RSPO4: variants seen among roughly 807,000 people sequenced by gnomAD.
RSPO4 encodes R-spondin 4.
RSPO4 carries 23 observed loss-of-function variants against 24.8 expected under a neutral mutation model. The ratio of observed to expected loss-of-function variants is 0.93; its 90% CI spans 0.67 to 1.31. The LOEUF (loss-of-function observed/expected upper bound fraction) is 1.31, where lower values mean the gene tolerates loss of function less well. RSPO4 is among the 40% of genes most tolerant of loss of function. The pLI is 0.00. For missense variants in RSPO4, 333 were observed against 316.5 expected (o/e 1.05, Z -0.39); for synonymous variants, 141 against 127.4 (o/e 1.11, Z -0.72).
At chr20:962,472 C>CTCTCCAAG (rs1329894205) in intron 4 of RSPO4, among the ~76,000 whole-genome samples, 1 of 152,210 alleles carries the variant, frequency 6.6e-6, no homozygotes, top group Non-Finnish European at 1.5e-5. Context: ...GATTCCCCAA[C>CTCTCCAAG]AGCCATTCAC....
At position 981,503 on chromosome 20, in the gene RSPO4, G is replaced by A. The variant is rs1254029465; in HGVS notation, c.80-13365C>T. 4.6e-5 allele frequency among the ~76,000 whole-genome samples: 7 copies of A among 152,132 alleles called. No individual in the cohort carries two copies. The highest frequency in any genetic ancestry group is 1.9e-4 in the East Asian group (1 of 5,184). ...TGCACCACTGCACTCCAGCCTGGGC[G>A]ACAGAGTGAGACGCTGTCTCAAAAA... On this transcript the variant is annotated intron_variant, in intron 1 of 4. Transcript: ENST00000217260. The surrounding 1 kb of genome is among the most constrained non-coding windows in gnomAD (Gnocchi z 4.6).
chr20:976,638 G>T (rs1209763382), intron 1 of RSPO4, among the ~76,000 whole-genome samples: 2 of 151,716 alleles, frequency 1.3e-5, no homozygotes, highest in Non-Finnish European at 2.9e-5. Context: ...CCTTCCATCT[G>T]CCTTCACTCT....
intron 1 of RSPO4, among the ~76,000 whole-genome samples, chr20:985,437 G>A (rs979637750): frequency 6.6e-6 from 1 of 152,210 alleles, no homozygotes; most frequent in Non-Finnish European, 1.5e-5. Flanking sequence ...TCACAGACCT[G>A]TAGAAACATT....
At chr20:971,253 C>T (rs1984397668) in intron 1 of RSPO4, among the ~76,000 whole-genome samples, 1 of 152,218 alleles carries the variant, frequency 6.6e-6, no homozygotes, top group South Asian at 2.1e-4. Flanking sequence ...GAATATAGGT[C>T]CCTGGGTTCC....
intron 1 of RSPO4, among the ~76,000 whole-genome samples, chr20:971,683 T>C (rs147696869): frequency 6.6e-6 from 1 of 152,302 alleles, no homozygotes; most frequent in East Asian, 1.9e-4. Context: ...TTTGTAGCAT[T>C]TGTGACTTGT....
Position 960,367 on chromosome 20 carries a change from AGGCC to A in RSPO4, c.691_694del (p.Gly231CysfsTer151). On this transcript the variant is annotated frameshift_variant, in exon 5 of 5. Coordinates refer to ENST00000217260, the MANE Select transcript of RSPO4 (RefSeq NM_001029871.4). LOFTEE classifies it high-confidence loss of function. ...CGGGAGAGCCGGCGGTCAGGGCTGC[AGGCC>A]GGGCTGGCGCGGCCTCACGTCCAGC... 1 of 1,536,686 alleles carries A rather than the reference AGGCC, an allele frequency of 6.5e-7. No individual in the cohort carries two copies. Among genetic ancestry groups the A allele is most frequent in the South Asian group, 1.2e-5 (1 of 84,026 alleles).
chr20:987,665 C>T (rs1209188349), intron 1 of RSPO4, among the ~76,000 whole-genome samples: 1 of 152,076 alleles, frequency 6.6e-6, no homozygotes, highest in African/African-American at 2.4e-5. Context: ...GTGATGCGTG[C>T]CTATAGTCCC....
chr20:1,002,062 G>T lies in RSPO4; in HGVS notation c.79+24C>A. ...TCTGCCCCGCAGCGCCTGCCCGGCC[G>T]CCCTGCCCAGCCACCCCTTGTACCT... On this transcript the variant is annotated intron_variant, in intron 1 of 4. Transcript: ENST00000217260. The surrounding 1 kb of genome is among the most constrained non-coding windows in gnomAD (Gnocchi z 4.6). 6.5e-7 allele frequency: 1 copy of T among 1,541,146 alleles called. No individual in the cohort carries two copies. Among genetic ancestry groups the T allele is most frequent in the Non-Finnish European group, 8.8e-7 (1 of 1,140,252 alleles).
chr20:974,077 A>G (rs1435381762), intron 1 of RSPO4, among the ~76,000 whole-genome samples: 2 of 152,222 alleles, frequency 1.3e-5, no homozygotes, highest in African/African-American at 2.4e-5. Context: ...ATCATCAGTG[A>G]TGACAAGAGT....
Position 960,938 on chromosome 20 carries a change from A to T in RSPO4, c.596-472T>A, listed in dbSNP as rs970850704. The stretch of plus-strand genomic sequence containing the variant: ...TCAGCATTTAGCAAGCGCTCACTGT[A>T]TGCAGGCCACAGCCCCAAGTGCTTT... On this transcript the variant is annotated intron_variant, in intron 4 of 4. Coordinates refer to ENST00000217260, the MANE Select transcript of RSPO4 (RefSeq NM_001029871.4). Among the ~76,000 whole-genome samples the T allele has an allele frequency of 2.0e-5, 3 of 152,212 alleles. 1 individual carries two copies. In the South Asian group the frequency reaches 6.2e-4, roughly 32 times the overall value.
chr20:966,656 G>A (rs1423570893), intron 3 of RSPO4, among the ~76,000 whole-genome samples: 2 of 152,002 alleles, frequency 1.3e-5, no homozygotes. Flanking sequence ...TGAGCCCAGG[G>A]GCAGCCTGGG....
intron 1 of RSPO4, among the ~76,000 whole-genome samples, chr20:980,691 G>C (rs1197936117): frequency 6.6e-6 from 1 of 152,156 alleles, no homozygotes; most frequent in Non-Finnish European, 1.5e-5. Flanking sequence ...GGAGAGGGTG[G>C]TGGTAAAACC....
At chr20:987,412 G>A (rs1984955658) in intron 1 of RSPO4, among the ~76,000 whole-genome samples, 1 of 152,130 alleles carries the variant, frequency 6.6e-6, no homozygotes, top group African/African-American at 2.4e-5. Flanking sequence ...CAAGGTTTGG[G>A]ATGAGACAAA....
At chr20:965,188 G>A (rs1205314083) in intron 3 of RSPO4, among the ~76,000 whole-genome samples, 1 of 152,032 alleles carries the variant, frequency 6.6e-6, no homozygotes, top group Non-Finnish European at 1.5e-5. Flanking sequence ...GGCACCGTGG[G>A]AGCCCAGAAG....
chr20:962,994 C>T (rs1254396029), intron 4 of RSPO4, among the ~76,000 whole-genome samples: 1 of 152,212 alleles, frequency 6.6e-6, no homozygotes, highest in African/African-American at 2.4e-5. Flanking sequence ...GGCACAGTGC[C>T]CAGTCAACAC....
intron 1 of RSPO4, among the ~76,000 whole-genome samples, chr20:986,331 G>T (rs1984920460): frequency 6.6e-6 from 1 of 152,164 alleles, no homozygotes; most frequent in African/African-American, 2.4e-5. Flanking sequence ...GGCCACAGCA[G>T]CATCAGGGTA....
intron 1 of RSPO4, among the ~76,000 whole-genome samples, chr20:997,604 C>T (rs901621216): frequency 6.6e-6 from 1 of 152,140 alleles, no homozygotes; most frequent in Non-Finnish European, 1.5e-5. Context: ...CTGGCTTCAC[C>T]TGGATGCCAG....
intron 1 of RSPO4, among the ~76,000 whole-genome samples, chr20:980,875 G>C (rs925470927): frequency 2.6e-5 from 4 of 152,180 alleles, no homozygotes; most frequent in Admixed American, 1.3e-4. Context: ...TGAACTCAGA[G>C]ATCTTCAAAA....
intron 1 of RSPO4, among the ~76,000 whole-genome samples, chr20:978,144 G>A (rs921445364): frequency 6.6e-6 from 1 of 152,180 alleles, no homozygotes; most frequent in Non-Finnish European, 1.5e-5. Context: ...GAGGTGGGGG[G>A]ACCAGCAGGG....
Sources: gnomAD v4.1 joint callset for allele counts (sites outside exome capture counted in the v4.1 genomes callset) on GRCh38, gnomAD v4.1.1 for gene constraint, Gnocchi (gnomAD v3.1) non-coding constraint, MANE v1.5 for transcripts, NCBI Gene and HGNC (gene_info 2026-07-23, HGNC 2026-07-21) for gene names.